NUP93: variants seen among roughly 807,000 people sequenced by gnomAD.
NUP93 encodes the protein nucleoporin 93.
Under a neutral mutation model 107.8 loss-of-function variants are expected in NUP93, and 55 were observed. That is an observed-to-expected ratio of 0.51 (90% CI 0.41 to 0.64). The LOEUF is 0.64. NUP93 is among the 30% of genes least tolerant of loss of function. The probability of loss-of-function intolerance (pLI) is 0.00; values close to 1 mark genes in which losing one functional copy is unlikely to be tolerated. For missense variants in NUP93, 937 were observed against 1,044.7 expected (o/e 0.90, Z 1.42); for synonymous variants, 390 against 397.5 (o/e 0.98, Z 0.22).
intron 2 of NUP93, among the ~76,000 whole-genome samples, chr16:56,751,478 A>G (rs7202364): frequency 0.31 from 47,856 of 152,122 alleles, 7,938 homozygotes; most frequent in East Asian, 0.46. Flanking sequence ...AGGAAAGTCA[A>G]ATAGTGAGTG....
rs1964126984 is a variant in NUP93, at chr16:56,847,264, C to T, written c.*2655C>T. Reference sequence around the variant, plus strand: ...ACAGGCTGAATTTGCAAGGCCACAACATCAGGTTGTCATGTACCCATCATT... The same window carrying T: ...ACAGGCTGAATTTGCAAGGCCACAATATCAGGTTGTCATGTACCCATCATT... On this transcript the variant is annotated 3_prime_UTR_variant, in exon 22 of 22. Coordinates refer to ENST00000308159, the MANE Select transcript of NUP93 (RefSeq NM_014669.5). 1 of 152,214 alleles carries T rather than the reference C, an allele frequency of 6.6e-6. No individual in the cohort carries two copies. Among genetic ancestry groups the T allele is most frequent in the Admixed American group, 6.5e-5 (1 of 15,282 alleles). The allele number at this position is 152,214 out of a possible 1,614,324, so 9.4% of individuals were successfully genotyped here. A position where few individuals can be genotyped will look rare whatever the true frequency, so the allele number is the denominator to read the frequency against.
chr16:56,802,676 G>A (rs999142641), intron 4 of NUP93, among the ~76,000 whole-genome samples: 2 of 152,276 alleles, frequency 1.3e-5, no homozygotes, highest in South Asian at 2.1e-4. Context: ...AAGAGTATAT[G>A]TATGTGATTT....
At chr16:56,809,628 G>T (rs911529179) in intron 5 of NUP93, among the ~76,000 whole-genome samples, 21 of 152,084 alleles carry the variant, frequency 1.4e-4, no homozygotes, top group African/African-American at 4.6e-4. Context: ...ACCCAGGATG[G>T]TTGGCCTGTG....
chr16:56,774,775 A>G (rs1470331220), intron 3 of NUP93, among the ~76,000 whole-genome samples: 1 of 152,212 alleles, frequency 6.6e-6, no homozygotes, highest in African/African-American at 2.4e-5. Flanking sequence ...TTGGTTGCCT[A>G]GAACCCAGTT....
chr16:56,754,212 GC>G (rs1471829842), intron 2 of NUP93, among the ~76,000 whole-genome samples: 1 of 151,972 alleles, frequency 6.6e-6, no homozygotes, highest in Non-Finnish European at 1.5e-5. Context: ...GGGAAGTCTT[GC>G]CCCTATGGTC....
chr16:56,838,912 G>A lies in NUP93; in HGVS notation c.2019-40G>A, dbSNP rs3764266. On this transcript the variant is annotated intron_variant, in intron 18 of 21. Transcript: ENST00000308159. ...TGTTACGGATTACACAGAAATTCCTGATACACTCTTACTACCCCCACCCCG... is the reference window on the plus strand; with the variant it reads ...TGTTACGGATTACACAGAAATTCCTAATACACTCTTACTACCCCCACCCCG... The A allele has an allele frequency of 0.098, 135,259 of 1,383,370 alleles. 7,018 individuals are homozygous for A. Among genetic ancestry groups the A allele is most frequent in the East Asian group, 0.15 (6,627 of 43,560 alleles). The allele number at this position is 1,383,370 out of a possible 1,614,324, so 85.7% of individuals were successfully genotyped here. A position where few individuals can be genotyped will look rare whatever the true frequency, so the allele number is the denominator to read the frequency against.
intron 3 of NUP93, among the ~76,000 whole-genome samples, chr16:56,797,807 A>T (rs559117900): frequency 6.6e-6 from 1 of 152,354 alleles, no homozygotes; most frequent in East Asian, 1.9e-4. Context: ...TGGAGGCACT[A>T]GGATTTGAAA....
chr16:56,794,821 G>A (rs1176998704), intron 3 of NUP93, among the ~76,000 whole-genome samples: 1 of 150,734 alleles, frequency 6.6e-6, no homozygotes, highest in Non-Finnish European at 1.5e-5. Context: ...CCAGCTACTC[G>A]GGAGGCTGAG....
At chr16:56,798,380 A>C in intron 3 of NUP93, 96 bp from the exon 4 acceptor site, 3 of 974,296 alleles carry the variant, frequency 3.1e-6, no homozygotes, top group Non-Finnish European at 4.9e-6. Flanking sequence ...TGTAGGTAGC[A>C]TAGTAGATAC....
Position 56,801,247 on chromosome 16 carries a change from T to C in NUP93, c.360+2709T>C, listed in dbSNP as rs561609400. On this transcript the variant is annotated intron_variant, in intron 4 of 21. Transcript: ENST00000308159. Reference sequence around the variant, plus strand: ...CTCTAGTTAGCATTCTTCTTTGCACTTTAGTTCAATGGTTCAGATGTGGAT... The same window carrying C: ...CTCTAGTTAGCATTCTTCTTTGCACCTTAGTTCAATGGTTCAGATGTGGAT... Among the ~76,000 whole-genome samples, 4 of 152,342 alleles carry C rather than the reference T, an allele frequency of 2.6e-5. No individual in the cohort carries two copies. In the East Asian group the frequency reaches 5.8e-4, roughly 22 times the overall value.
At chr16:56,803,423 C>T (rs1455461193) in intron 4 of NUP93, among the ~76,000 whole-genome samples, 4 of 152,020 alleles carry the variant, frequency 2.6e-5, no homozygotes, top group Non-Finnish European at 5.9e-5. Context: ...TGAGATCGTT[C>T]TGCTGCACTC....
chr16:56,782,841 ATTCC>A (rs1962543593), intron 3 of NUP93, among the ~76,000 whole-genome samples: 1 of 152,208 alleles, frequency 6.6e-6, no homozygotes, highest in Non-Finnish European at 1.5e-5. Flanking sequence ...AAAGAGGAGG[ATTCC>A]TAAGTATTTA....
intron 6 of NUP93, among the ~76,000 whole-genome samples, chr16:56,819,544 G>T (rs1963501669): frequency 6.6e-6 from 1 of 152,154 alleles, no homozygotes; most frequent in Non-Finnish European, 1.5e-5. Flanking sequence ...GGACCCAGGG[G>T]TCCCACTTGT....
chr16:56,784,526 C>CT (rs1962584669), intron 3 of NUP93, among the ~76,000 whole-genome samples: 1 of 152,118 alleles, frequency 6.6e-6, no homozygotes, highest in Admixed American at 6.5e-5. Context: ...AATCTTGATT[C>CT]TTAAAATTAA....
chr16:56,831,816 A>T (rs377262905), intron 10 of NUP93, 26 bp from the exon 11 acceptor site: 1 of 1,610,678 alleles, frequency 6.2e-7, no homozygotes, highest in African/African-American at 1.3e-5. Flanking sequence ...GTATGTATCT[A>T]TCTGTCTGTT....
Position 56,844,520 on chromosome 16 carries a change from A to G in NUP93, c.2371A>G (p.Thr791Ala), listed in dbSNP as rs776961230. ...TCAGCAACTCCGAAGTCAAGCCCGC[A>G]CTCTGATTACCTTTGCTGGAATGAT... Reference protein sequence around the residue: ...RDSQLRSQARTLITFAGMIPY... With the variant: ...RDSQLRSQARALITFAGMIPY... Residue 791 changes from threonine to alanine, a missense_variant, in exon 22 of 22, where the codon ACT becomes GCT. Thr to Ala is a moderately conservative substitution (Grantham distance 58). Coordinates refer to ENST00000308159, the MANE Select transcript of NUP93 (RefSeq NM_014669.5). The G allele has an allele frequency of 2.1e-5, 31 of 1,511,468 alleles. No homozygotes were observed. The highest frequency in any genetic ancestry group is 2.7e-5 in the Non-Finnish European group (30 of 1,126,820). 93.6% of individuals were successfully genotyped at this position (1,511,468 alleles called of 1,614,324 possible).
At chr16:56,753,657 G>A (rs1168451064) in intron 2 of NUP93, among the ~76,000 whole-genome samples, 1 of 152,024 alleles carries the variant, frequency 6.6e-6, no homozygotes, top group Admixed American at 6.6e-5. Flanking sequence ...TGCATTTAAA[G>A]CTTGAGTAAC....
At chr16:56,735,296 A>G (rs1410627291) in intron 1 of NUP93, among the ~76,000 whole-genome samples, 1 of 152,218 alleles carries the variant, frequency 6.6e-6, no homozygotes, top group East Asian at 1.9e-4. Flanking sequence ...AATTTGCCCA[A>G]AGTCATCGAG....
chr16:56,773,815 C>T (rs1454544818), intron 3 of NUP93, among the ~76,000 whole-genome samples: 2 of 152,192 alleles, frequency 1.3e-5, no homozygotes, highest in African/African-American at 4.8e-5. Flanking sequence ...TGGACTAATA[C>T]TGAATTTTCA....
Sources: gnomAD v4.1 joint callset for allele counts (sites outside exome capture counted in the v4.1 genomes callset) on GRCh38, gnomAD v4.1.1 for gene constraint, MANE v1.5 for transcripts, NCBI Gene and HGNC (gene_info 2026-07-23, HGNC 2026-07-21) for gene names.